The following PLXNA2 variants were observed in gnomAD, a reference collection of about 807,000 sequenced individuals.
PLXNA2 encodes plexin A2.
A neutral mutation model predicts 193.5 loss-of-function variants in PLXNA2; 91 were observed. The ratio of observed to expected loss-of-function variants is 0.47; its 90% CI spans 0.40 to 0.56. PLXNA2 has a LOEUF of 0.56. Among genes scored for constraint, PLXNA2 ranks in the 20% least tolerant of loss-of-function variants. The pLI, the probability that PLXNA2 is intolerant of heterozygous loss-of-function variation, is 0.00. For missense variants in PLXNA2, 1,995 were observed against 2,503.2 expected, an observed-to-expected ratio of 0.80 and a Z score of 4.33; for synonymous variants, 997 against 1,027.3, an observed-to-expected ratio of 0.97 and a Z score of 0.56.
intron 28 of PLXNA2, among the ~76,000 whole-genome samples, chr1:208,033,029 T>C (rs1274435202): frequency 1.3e-5 from 2 of 148,568 alleles, no homozygotes; most frequent in East Asian, 4.0e-4. Flanking sequence ...TATCTCTCTC[T>C]CTCTCTTTTT....
At chr1:208,110,817 A>C (rs573050853) in intron 4 of PLXNA2, among the ~76,000 whole-genome samples, 3 of 152,324 alleles carry the variant, frequency 2.0e-5, no homozygotes, top group Admixed American at 2.0e-4. Context: ...AGCTGCCCCA[A>C]AAGCGGCCAC....
chr1:208,136,174 A>T (rs1020188235), intron 4 of PLXNA2, among the ~76,000 whole-genome samples: 1 of 152,204 alleles, frequency 6.6e-6, no homozygotes, highest in Admixed American at 6.5e-5. Flanking sequence ...CATTTGTGTC[A>T]TCCTAGCAGA....
intron 3 of PLXNA2, among the ~76,000 whole-genome samples, chr1:208,196,855 G>A (rs1453608839): frequency 6.6e-6 from 1 of 152,190 alleles, no homozygotes; most frequent in African/African-American, 2.4e-5. Context: ...AAGGGCGGGG[G>A]TAGATGTTGG....
chr1:208,088,441 T>G (rs1288210228), intron 9 of PLXNA2, among the ~76,000 whole-genome samples: 1 of 152,270 alleles, frequency 6.6e-6, no homozygotes, highest in African/African-American at 2.4e-5. Flanking sequence ...GGTTCTATCT[T>G]TCCCCTGGGA....
At chr1:208,210,759 C>T (rs901113221) in intron 2 of PLXNA2, among the ~76,000 whole-genome samples, 5 of 152,164 alleles carry the variant, frequency 3.3e-5, no homozygotes, top group Non-Finnish European at 7.4e-5. Context: ...AAGCTAAGTG[C>T]CTGAACTCAT....
At chr1:208,050,032 A>ATAAAAAATT (rs1445889938) in intron 17 of PLXNA2, among the ~76,000 whole-genome samples, 16 of 152,250 alleles carry the variant, frequency 1.1e-4, no homozygotes, top group African/African-American at 1.4e-4. Context: ...TAGAAAAATG[A>ATAAAAAATT]TAAAAAATTG....
At chr1:208,183,000 CT>C (rs1386938741) in intron 3 of PLXNA2, among the ~76,000 whole-genome samples, 3 of 152,226 alleles carry the variant, frequency 2.0e-5, no homozygotes, top group Admixed American at 1.3e-4. Context: ...TCTCTTCCTC[CT>C]GTTTACCCAC....
chr1:208,180,117 T>C lies in PLXNA2; in HGVS notation c.1371+30163A>G, dbSNP rs12565330. Among the ~76,000 whole-genome samples, 328 of 151,798 alleles carry C rather than the reference T, an allele frequency of 2.2e-3. 1 individual carries two copies. Among genetic ancestry groups the C allele is most frequent in the Admixed American group, 0.016 (247 of 15,266 alleles). On this transcript the variant is annotated intron_variant, in intron 3 of 31. Transcript: ENST00000367033. ...GACTTGTGAACATGTGCTTGGGTTG[T>C]TCCTCCTCCACAACAGGCGGTTTAG...
At chr1:208,209,372 C>T (rs1206753946) in intron 3 of PLXNA2, among the ~76,000 whole-genome samples, 3 of 152,180 alleles carry the variant, frequency 2.0e-5, no homozygotes, top group African/African-American at 7.2e-5. Flanking sequence ...AGGGTGATGT[C>T]AACATCAAAG....
intron 2 of PLXNA2, among the ~76,000 whole-genome samples, chr1:208,215,413 A>G (rs996819238): frequency 6.6e-6 from 1 of 152,146 alleles, no homozygotes; most frequent in African/African-American, 2.4e-5. Flanking sequence ...TGGTGGATGA[A>G]TAAAGAGAGG....
chr1:208,093,657 G>A (rs184424219), intron 8 of PLXNA2, among the ~76,000 whole-genome samples: 1 of 152,302 alleles, frequency 6.6e-6, no homozygotes, highest in East Asian at 1.9e-4. Flanking sequence ...GGGCTTGGGG[G>A]AGCTAATAGT....
chr1:208,099,464 T>C lies in PLXNA2; in HGVS notation c.1608-495A>G, dbSNP rs367608042. 8.5e-5 allele frequency among the ~76,000 whole-genome samples: 13 copies of C among 152,202 alleles called. 1 individual carries two copies. The East Asian group carries it at 1.2e-3, about 14-fold the overall frequency. ...AAGTTACAAAGTCATTTACAGCCAG[T>C]GTACGCCTATGGAGAGGATATTTTC... On this transcript the variant is annotated intron_variant, in intron 5 of 31. Transcript: ENST00000367033.
At chr1:208,212,218 CGTT>C (rs1266839971) in intron 2 of PLXNA2, among the ~76,000 whole-genome samples, 11 of 152,202 alleles carry the variant, frequency 7.2e-5, no homozygotes, top group Admixed American at 2.0e-4. Flanking sequence ...CACCATCACT[CGTT>C]GACAGCCTCA....
intron 3 of PLXNA2, among the ~76,000 whole-genome samples, chr1:208,201,337 G>A (rs1020190678): frequency 6.6e-6 from 1 of 152,218 alleles, no homozygotes; most frequent in Non-Finnish European, 1.5e-5. Context: ...ACTTCCTTCA[G>A]CCCCACCCTG....
At chr1:208,112,337 G>A (rs1167015616) in intron 4 of PLXNA2, among the ~76,000 whole-genome samples, 2 of 152,206 alleles carry the variant, frequency 1.3e-5, no homozygotes, top group Admixed American at 1.3e-4. Flanking sequence ...CACTTTGAAG[G>A]GGACAGCCCT....
At chr1:208,080,290 A>C (rs975795258) in intron 11 of PLXNA2, among the ~76,000 whole-genome samples, 1 of 152,076 alleles carries the variant, frequency 6.6e-6, no homozygotes, top group Non-Finnish European at 1.5e-5. Context: ...TGGCTATTTA[A>C]ATAGTAACAT....
Position 208,082,610 on chromosome 1 carries a change from C to T in PLXNA2, c.2299-102G>A. On this transcript the variant is annotated intron_variant, in intron 10 of 31. Transcript: ENST00000367033. This position sits in a 1 kb window ranked among gnomAD's most constrained non-coding sequence, Gnocchi z 4.2. ...ATGCTGCTCAGATTATTATGACGCTCTTTCCCTGAATCCCAGTCACTAATG... is the reference window on the plus strand; with the variant it reads ...ATGCTGCTCAGATTATTATGACGCTTTTTCCCTGAATCCCAGTCACTAATG... The T allele has an allele frequency of 1.2e-6, 1 of 824,566 alleles. No individual in the cohort carries two copies. The highest frequency in any genetic ancestry group is 2.0e-6 in the Non-Finnish European group (1 of 496,956). The allele number at this position is 824,566 out of a possible 1,614,324, so 51.1% of individuals were successfully genotyped here.
intron 3 of PLXNA2, among the ~76,000 whole-genome samples, chr1:208,150,213 C>A (rs984326664): frequency 2.0e-5 from 3 of 152,224 alleles, no homozygotes; most frequent in Admixed American, 6.5e-5. Context: ...CACGCACATG[C>A]ACACACACAC....
intron 9 of PLXNA2, among the ~76,000 whole-genome samples, chr1:208,091,913 TG>T (rs1240411678): frequency 6.6e-6 from 1 of 151,864 alleles, no homozygotes; most frequent in African/African-American, 2.4e-5. Context: ...AATGCTACAT[TG>T]TCACTTATTA....
Sources: allele counts gnomAD v4.1 joint callset (sites outside exome capture counted in the v4.1 genomes callset), GRCh38; gene constraint gnomAD v4.1.1; non-coding constraint Gnocchi (gnomAD v3.1); transcripts MANE v1.5; gene names NCBI Gene and HGNC (gene_info 2026-07-23, HGNC 2026-07-21).